The following AGBL1 variants were observed in gnomAD, a reference collection of about 807,000 sequenced individuals.
AGBL1 encodes AGBL carboxypeptidase 1.
Under a neutral mutation model 118.9 loss-of-function variants are expected in AGBL1, and 130 were observed. That is an observed-to-expected ratio of 1.09 (90% confidence interval 0.95 to 1.26). The LOEUF is 1.26. Ranked by LOEUF, AGBL1 falls within the 50% of genes most tolerant of loss-of-function variation. The probability of loss-of-function intolerance (pLI) is 0.00; values close to 1 mark genes in which losing one functional copy is unlikely to be tolerated. For synonymous variants in AGBL1, 555 were observed against 478.9 expected, an observed-to-expected ratio of 1.16 and a Z score of -2.08; for missense variants, 1,584 against 1,298.1, an observed-to-expected ratio of 1.22 and a Z score of -3.38.
chr15:86,880,452 A>G (rs2079874683), intron 22 of AGBL1, among the ~76,000 whole-genome samples: 1 of 152,220 alleles, frequency 6.6e-6, no homozygotes, highest in Admixed American at 6.5e-5. Context: ...TGCTTATGTC[A>G]GGAGGGCCAA....
chr15:86,706,780 G>A lies in AGBL1; in HGVS notation c.3158+32344G>A, dbSNP rs143494286. 4.5e-3 allele frequency among the ~76,000 whole-genome samples: 684 copies of A among 152,128 alleles called. 7 individuals are homozygous for A. Among genetic ancestry groups the A allele is most frequent in the African/African-American group, 0.014 (596 of 41,510 alleles). Reference sequence around the variant, plus strand: ...ATTTTGCAAAATAAGCATATTCAATGGAATATACATTTTAACTAGCCCCAA... The same window carrying A: ...ATTTTGCAAAATAAGCATATTCAATAGAATATACATTTTAACTAGCCCCAA... On this transcript the variant is annotated intron_variant, in intron 22 of 22. Transcript: ENST00000614907.
At position 87,003,474 on chromosome 15, in the gene AGBL1, T is replaced by G. The variant is rs868372771; in HGVS notation, c.3323+15386T>G. ...GTGTCTCTGCCAGGCTTTGGTATCG[T>G]GATGATGCTGTCCTCACAAAATGAG... On this transcript the variant is annotated intron_variant, in intron 24 of 24. Coordinates refer to the AGBL1 transcript ENST00000441037. Among the ~76,000 whole-genome samples the G allele has an allele frequency of 5.3e-5, 8 of 152,090 alleles. 1 individual carries two copies. The highest frequency in any genetic ancestry group is 1.9e-4 in the East Asian group (1 of 5,184).
At chr15:86,252,563 G>T (rs571682332) in intron 7 of AGBL1, among the ~76,000 whole-genome samples, 2 of 152,196 alleles carry the variant, frequency 1.3e-5, no homozygotes, top group Non-Finnish European at 2.9e-5. Context: ...TAGCCAGCAG[G>T]TGGGGGTAAT....
intron 22 of AGBL1, among the ~76,000 whole-genome samples, chr15:86,771,832 T>C (rs1316254588): frequency 1.3e-5 from 2 of 152,038 alleles, no homozygotes; most frequent in Admixed American, 1.3e-4. Context: ...CCATGTTTTA[T>C]TTCCCAGTTA....
At chr15:86,544,942 T>A (rs924337253) in intron 19 of AGBL1, among the ~76,000 whole-genome samples, 2 of 152,220 alleles carry the variant, frequency 1.3e-5, no homozygotes, top group Admixed American at 1.3e-4. Flanking sequence ...TCTCTCCTTA[T>A]AATAAGATTT....
chr15:86,425,550 A>G (rs1321962063), intron 18 of AGBL1, among the ~76,000 whole-genome samples: 1 of 152,172 alleles, frequency 6.6e-6, no homozygotes, highest in Non-Finnish European at 1.5e-5. Flanking sequence ...AAAAAAACCC[A>G]GCAAAATTCC....
At chr15:86,493,747 A>G (rs2082812492) in intron 18 of AGBL1, among the ~76,000 whole-genome samples, 1 of 152,104 alleles carries the variant, frequency 6.6e-6, no homozygotes, top group South Asian at 2.1e-4. Flanking sequence ...ACACACACAG[A>G]CACATCTCTA....
intron 21 of AGBL1, among the ~76,000 whole-genome samples, chr15:86,580,009 A>G (rs1419986906): frequency 6.6e-6 from 1 of 152,208 alleles, no homozygotes; most frequent in African/African-American, 2.4e-5. Flanking sequence ...GGAACTACCA[A>G]TTTCTTTTGA....
intron 23 of AGBL1, among the ~76,000 whole-genome samples, chr15:86,977,401 T>G (rs184083463): frequency 6.6e-6 from 1 of 151,680 alleles, no homozygotes; most frequent in Admixed American, 6.6e-5. Context: ...GTTTTTTTTT[T>G]TACTATTGTG....
chr15:86,682,475 A>G lies in AGBL1; in HGVS notation c.3158+8039A>G, dbSNP rs573474112. ...ACATTTCTGTGAAGAAAGAGGTTTA[A>G]TAATATCATGAAGCTATTGGTAAAT... On this transcript the variant is annotated intron_variant, in intron 22 of 22. Coordinates refer to ENST00000614907, the MANE Select transcript of AGBL1 (RefSeq NM_001386094.1). 7.9e-5 allele frequency among the ~76,000 whole-genome samples: 12 copies of G among 152,322 alleles called. No individual in the cohort carries two copies. The South Asian group carries it at 2.3e-3, about 29-fold the overall frequency.
At chr15:86,194,325 T>G (rs2077766965) in intron 5 of AGBL1, among the ~76,000 whole-genome samples, 1 of 152,238 alleles carries the variant, frequency 6.6e-6, no homozygotes, top group African/African-American at 2.4e-5. Flanking sequence ...TCTGGGTCTA[T>G]GCTTAAGCAT....
chr15:86,618,984 T>A (rs2084767667), intron 21 of AGBL1, among the ~76,000 whole-genome samples: 1 of 152,138 alleles, frequency 6.6e-6, no homozygotes, highest in Admixed American at 6.6e-5. Context: ...AGAGATCATT[T>A]AGGTTCTAAA....
intron 18 of AGBL1, among the ~76,000 whole-genome samples, chr15:86,466,816 G>A (rs963968026): frequency 6.6e-6 from 1 of 152,182 alleles, no homozygotes; most frequent in Non-Finnish European, 1.5e-5. Context: ...CTGGGTATCA[G>A]CAGTGGAGGC....
intron 24 of AGBL1, among the ~76,000 whole-genome samples, chr15:87,010,103 A>G (rs1232889016): frequency 6.6e-6 from 1 of 152,088 alleles, no homozygotes; most frequent in African/African-American, 2.4e-5. Flanking sequence ...GTGGAATGAT[A>G]TGGTTTGGCT....
Position 86,669,528 on chromosome 15 carries a change from C to T in AGBL1, c.2995-4745C>T, listed in dbSNP as rs62033712. On this transcript the variant is annotated intron_variant, in intron 21 of 22. Transcript: ENST00000614907. ...CAAAAAGATCATGGATGACATTTTT[C>T]TAGAATTATTGAAAAATACTAATTA... 6.4e-3 allele frequency among the ~76,000 whole-genome samples: 967 copies of T among 151,988 alleles called. 5 individuals are homozygous for T. Among genetic ancestry groups the T allele is most frequent in the Non-Finnish European group, 0.011 (761 of 67,946 alleles).
At chr15:86,814,170 C>T (rs141739259) in intron 22 of AGBL1, among the ~76,000 whole-genome samples, 1 of 152,332 alleles carries the variant, frequency 6.6e-6, no homozygotes, top group African/African-American at 2.4e-5. Context: ...TGAGCTCTGC[C>T]TCTTGTCAAA....
intron 22 of AGBL1, among the ~76,000 whole-genome samples, chr15:86,818,895 C>A (rs1429045864): frequency 6.6e-6 from 1 of 152,058 alleles, no homozygotes; most frequent in Non-Finnish European, 1.5e-5. Flanking sequence ...ATAATAATTC[C>A]TACTCCATGG....
In AGBL1 at chr15:86,913,800, G is replaced by C. The variant is rs2080383809; in HGVS notation, c.*6506G>C. The C allele has an allele frequency of 6.6e-6, 1 of 152,326 alleles. No homozygotes were observed. Among genetic ancestry groups the C allele is most frequent in the Non-Finnish European group, 1.5e-5 (1 of 68,154 alleles). The allele number at this position is 152,326 out of a possible 1,614,324, so 9.4% of individuals were successfully genotyped here. ...GGAGGATCACCTGAGCCTGGAAGTG[G>C]AAGGTTGAGGCTACGGTGAGTCGTG... On this transcript the variant is annotated 3_prime_UTR_variant, in exon 23 of 23. Transcript: ENST00000614907.
At chr15:86,857,705 G>A (rs1274763056) in intron 22 of AGBL1, among the ~76,000 whole-genome samples, 1 of 152,086 alleles carries the variant, frequency 6.6e-6, no homozygotes, top group Non-Finnish European at 1.5e-5. Flanking sequence ...CTCCGTACTA[G>A]GCTCTGAGAT....
Sources: allele counts gnomAD v4.1 joint callset (sites outside exome capture counted in the v4.1 genomes callset), GRCh38; gene constraint gnomAD v4.1.1; transcripts MANE v1.5; gene names NCBI Gene and HGNC (gene_info 2026-07-23, HGNC 2026-07-21).